Variants in REEP1 observed in about 807,000 individuals in gnomAD.
The protein encoded by REEP1 is receptor expression-enhancing protein 1.
REEP1 carries 22 observed loss-of-function variants against 40.3 expected under a neutral mutation model. That is an observed-to-expected ratio of 0.55 (90% CI 0.39 to 0.78). REEP1 has a LOEUF of 0.78. REEP1 is among the 30% of genes least tolerant of loss of function. REEP1 has a pLI of 0.00. For synonymous variants in REEP1, 116 were observed against 139.2 expected, an observed-to-expected ratio of 0.83 and a Z score of 1.17; for missense variants, 280 against 361.1, an observed-to-expected ratio of 0.78 and a Z score of 1.82.
chr2:86,254,328 G>A (rs867892838), intron 4 of REEP1, among the ~76,000 whole-genome samples: 33 of 152,052 alleles, frequency 2.2e-4, no homozygotes, highest in Admixed American at 1.6e-3. Context: ...ACCACACCTG[G>A]CTTCCAGGTA....
chr2:86,293,753 G>C (rs1341665811), intron 1 of REEP1, among the ~76,000 whole-genome samples: 3 of 152,148 alleles, frequency 2.0e-5, no homozygotes, highest in Non-Finnish European at 2.9e-5. Context: ...GCCAAGTGAG[G>C]CTGGTCTTAT....
chr2:86,258,908 T>A (rs886331497), intron 3 of REEP1, among the ~76,000 whole-genome samples: 21 of 152,182 alleles, frequency 1.4e-4, no homozygotes, highest in African/African-American at 5.1e-4. Flanking sequence ...GAGGGACAGA[T>A]GTGTTCTAAG....
chr2:86,246,900 C>T (rs1344178140), intron 5 of REEP1, among the ~76,000 whole-genome samples: 2 of 152,072 alleles, frequency 1.3e-5, no homozygotes, highest in Non-Finnish European at 2.9e-5. Flanking sequence ...AGGGTTTCTC[C>T]ATGTTGGTCA....
chr2:86,246,691 CT>C (rs909527695), intron 5 of REEP1, among the ~76,000 whole-genome samples: 13 of 120,796 alleles, frequency 1.1e-4, no homozygotes, highest in African/African-American at 2.7e-4. Context: ...TTCTCTCTTT[CT>C]TTTTTTTTCT....
chr2:86,231,989 C>T lies in REEP1; in HGVS notation c.595+636G>A, dbSNP rs185504412. Among the ~76,000 whole-genome samples, 9 of 152,292 alleles carry T rather than the reference C, an allele frequency of 5.9e-5. No homozygotes were observed. The East Asian group carries it at 9.7e-4, about 16-fold the overall frequency. On this transcript the variant is annotated intron_variant, in intron 6 of 8. Transcript: ENST00000538924. ...GTCAGTCCCAATACCAGCAATCCCA[C>T]GATGGGCGTGTGACACCAGAGTCAG...
Position 86,219,894 on chromosome 2 carries a change from C to T in REEP1, c.783+76G>A, listed in dbSNP as rs952483747. 56 of 1,158,488 alleles carry T rather than the reference C, an allele frequency of 4.8e-5. No individual in the cohort carries two copies. The African/African-American group carries it at 7.8e-4, about 16-fold the overall frequency. 71.8% of individuals were successfully genotyped at this position (1,158,488 alleles called of 1,614,324 possible). A position where few individuals can be genotyped will look rare whatever the true frequency, so the allele number is the denominator to read the frequency against. On this transcript the variant is annotated intron_variant, in intron 8 of 8. Transcript: ENST00000538924. ...GATGTTGGTGCCCCAAGAGATGCTG[C>T]TCCCAGGACCCCCAATCTCCAGGGC...
At chr2:86,223,168 G>A (rs532611637) in intron 7 of REEP1, among the ~76,000 whole-genome samples, 11 of 152,338 alleles carry the variant, frequency 7.2e-5, no homozygotes, top group South Asian at 4.1e-4. Context: ...GGTTTCTGCC[G>A]TCTTCCACAG....
chr2:86,286,031 TC>T (rs1411674909), intron 1 of REEP1, among the ~76,000 whole-genome samples: 1 of 151,612 alleles, frequency 6.6e-6, no homozygotes, highest in South Asian at 2.1e-4. Flanking sequence ...CACCCTCTCT[TC>T]CCCCCACTGT....
At chr2:86,277,092 C>CA (rs1677795055) in intron 2 of REEP1, among the ~76,000 whole-genome samples, 1 of 152,164 alleles carries the variant, frequency 6.6e-6, no homozygotes. Context: ...TCACGATACT[C>CA]ACGCCAGTAG....
At chr2:86,220,381 G>A (rs1018797894) in intron 7 of REEP1, among the ~76,000 whole-genome samples, 2 of 152,168 alleles carry the variant, frequency 1.3e-5, no homozygotes, top group African/African-American at 4.8e-5. Context: ...ACTGAATTCT[G>A]AGTAATTCAG....
At chr2:86,308,496 A>C (rs1679609603) in intron 1 of REEP1, among the ~76,000 whole-genome samples, 1 of 152,238 alleles carries the variant, frequency 6.6e-6, no homozygotes, top group South Asian at 2.1e-4. Flanking sequence ...CGAAGGTTGC[A>C]GTGAGCTGAG....
Position 86,248,450 on chromosome 2 carries a change from T to C in REEP1, c.417+3507A>G, listed in dbSNP as rs559103566. 3.9e-5 allele frequency among the ~76,000 whole-genome samples: 6 copies of C among 151,960 alleles called. No homozygotes were observed. The East Asian group carries it at 5.8e-4, about 15-fold the overall frequency. ...ATTTATTTATTTATTTTATTTTACT[T>C]ATTTATTTATTTATTGAGACAAGGT... On this transcript the variant is annotated intron_variant, in intron 5 of 8. Transcript: ENST00000538924.
intron 6 of REEP1, among the ~76,000 whole-genome samples, chr2:86,229,651 C>T (rs1674905209): frequency 6.8e-6 from 1 of 146,478 alleles, no homozygotes; most frequent in Non-Finnish European, 1.5e-5. Context: ...CTCTTGTTGC[C>T]CAGACTGGAG....
chr2:86,333,941 G>T (rs1366693837), intron 1 of REEP1, among the ~76,000 whole-genome samples: 1 of 152,154 alleles, frequency 6.6e-6, no homozygotes, highest in South Asian at 2.1e-4. Context: ...TCTCAAACTG[G>T]TCCTCACTCT....
chr2:86,318,584 G>C (rs1680141031), intron 1 of REEP1, among the ~76,000 whole-genome samples: 1 of 151,978 alleles, frequency 6.6e-6, no homozygotes, highest in South Asian at 2.1e-4. Context: ...TTTTAGTAGA[G>C]ACGGGGTTTC....
At chr2:86,257,678 G>A (rs1382707205) in intron 3 of REEP1, among the ~76,000 whole-genome samples, 2 of 146,966 alleles carry the variant, frequency 1.4e-5, no homozygotes, top group African/African-American at 5.1e-5. Flanking sequence ...ACTCTGCTGC[G>A]CAGGCTGCAA....
intron 8 of REEP1, 59 bp from the exon 9 acceptor site, chr2:86,217,169 G>T: frequency 4.9e-6 from 7 of 1,430,748 alleles, no homozygotes; most frequent in Non-Finnish European, 6.9e-6. Flanking sequence ...ATCTTTTGAG[G>T]TCAGCACCTG....
intron 7 of REEP1, among the ~76,000 whole-genome samples, chr2:86,225,960 G>A (rs1674658761): frequency 6.6e-6 from 1 of 152,142 alleles, no homozygotes; most frequent in Non-Finnish European, 1.5e-5. Flanking sequence ...CAACCACCAG[G>A]TGGCTGTGGC....
At chr2:86,303,212 GTTTTTTTTTTTTT>G (rs35002382) in intron 1 of REEP1, among the ~76,000 whole-genome samples, 1 of 69,012 alleles carries the variant, frequency 1.4e-5, no homozygotes, top group South Asian at 6.4e-4. Flanking sequence ...CCGGCTAATT[GTTTTTTTTTTTTT>G]TTTTTTTTTT....
Sources: allele counts gnomAD v4.1 joint callset (sites outside exome capture counted in the v4.1 genomes callset), GRCh38; gene constraint gnomAD v4.1.1; transcripts MANE v1.5; gene names NCBI Gene and HGNC (gene_info 2026-07-23, HGNC 2026-07-21).